SORCS2: variants seen among roughly 807,000 people sequenced by gnomAD.
SORCS2 encodes sortilin related VPS10 domain containing receptor 2, also known as VPS10 domain-containing receptor SorCS2.
Under a neutral mutation model 141.6 loss-of-function variants are expected in SORCS2, and 100 were observed. That is an observed-to-expected ratio of 0.71 (90% CI 0.60 to 0.83). The LOEUF (loss-of-function observed/expected upper bound fraction) is 0.83. Ranked by LOEUF, SORCS2 falls within the 40% of genes least tolerant of loss-of-function variation. The pLI is 0.00. For missense variants in SORCS2, 1,646 were observed against 1,560.2 expected, an observed-to-expected ratio of 1.05 and a Z score of -0.93; for synonymous variants, 789 against 676.9, an observed-to-expected ratio of 1.17 and a Z score of -2.57.
At chr4:7,602,719 C>T (rs1717805913) in intron 3 of SORCS2, among the ~76,000 whole-genome samples, 1 of 151,886 alleles carries the variant, frequency 6.6e-6, no homozygotes, top group Non-Finnish European at 1.5e-5. Flanking sequence ...AGACGATGGG[C>T]GGCCAGGCAG....
intron 1 of SORCS2, among the ~76,000 whole-genome samples, chr4:7,312,833 G>A (rs1003933896): frequency 6.6e-6 from 1 of 152,196 alleles, no homozygotes; most frequent in African/African-American, 2.4e-5. Context: ...TGCAGGTCAG[G>A]GGCCTTTTCT....
chr4:7,544,164 C>T (rs1713066451), intron 3 of SORCS2, among the ~76,000 whole-genome samples: 1 of 152,118 alleles, frequency 6.6e-6, no homozygotes, highest in South Asian at 2.1e-4. Context: ...ATCCACTCAT[C>T]CATCCACTCA....
At chr4:7,310,409 C>T (rs763407392) in intron 1 of SORCS2, 1 of 154,294 alleles carries the variant, frequency 6.5e-6, no homozygotes, top group Non-Finnish European at 1.5e-5. Context: ...CATTGACCGG[C>T]TTTAAAAATG....
chr4:7,503,278 G>T (rs1293911081), intron 2 of SORCS2, among the ~76,000 whole-genome samples: 1 of 152,172 alleles, frequency 6.6e-6, no homozygotes, highest in East Asian at 1.9e-4. Context: ...TGGAGTTCCT[G>T]GCCTAGTTAA....
At chr4:7,689,338 T>C in intron 10 of SORCS2, 148 bp from the exon 11 acceptor site, 2 of 676,988 alleles carry the variant, frequency 3.0e-6, no homozygotes, top group East Asian at 2.8e-5. Flanking sequence ...TCACACCTGC[T>C]TCCCATCCTC....
chr4:7,221,649 A>G (rs1255043653), intron 1 of SORCS2, among the ~76,000 whole-genome samples: 1 of 152,220 alleles, frequency 6.6e-6, no homozygotes, highest in Non-Finnish European at 1.5e-5. Context: ...ACAGCGAAGG[A>G]AAGACAGAAG....
chr4:7,338,427 G>T (rs1720158609), intron 1 of SORCS2, among the ~76,000 whole-genome samples: 1 of 151,730 alleles, frequency 6.6e-6, no homozygotes, highest in Non-Finnish European at 1.5e-5. Context: ...TGGAAGGATG[G>T]ATGGATGGAT....
chr4:7,457,944 G>T (rs1729025397), intron 2 of SORCS2, among the ~76,000 whole-genome samples: 1 of 151,980 alleles, frequency 6.6e-6, no homozygotes, highest in African/African-American at 2.4e-5. Flanking sequence ...GAGGCTGCGG[G>T]GCAGGGACGT....
chr4:7,599,864 C>G (rs1285149915), intron 3 of SORCS2, among the ~76,000 whole-genome samples: 4 of 151,098 alleles, frequency 2.6e-5, no homozygotes, highest in African/African-American at 9.7e-5. Context: ...TGCTGTGTCA[C>G]CCAGGCTAGA....
intron 2 of SORCS2, among the ~76,000 whole-genome samples, chr4:7,470,174 A>G (rs1729880860): frequency 6.6e-6 from 1 of 151,548 alleles, no homozygotes; most frequent in African/African-American, 2.4e-5. Flanking sequence ...TCATCCATCC[A>G]TCCTCCCATC....
intron 1 of SORCS2, among the ~76,000 whole-genome samples, chr4:7,382,249 G>T (rs1236801299): frequency 6.6e-6 from 1 of 152,206 alleles, no homozygotes; most frequent in Non-Finnish European, 1.5e-5. Flanking sequence ...TGACCACAGG[G>T]ATGGGGTTTG....
chr4:7,609,896 C>G (rs1577835833), intron 3 of SORCS2, among the ~76,000 whole-genome samples: 2 of 152,262 alleles, frequency 1.3e-5, no homozygotes, highest in South Asian at 2.1e-4. Context: ...CTGCCCTGCA[C>G]TTTGCATTTT....
chr4:7,669,762 G>A (rs1051642837), intron 8 of SORCS2, among the ~76,000 whole-genome samples: 3 of 152,202 alleles, frequency 2.0e-5, no homozygotes, highest in Non-Finnish European at 4.4e-5. Context: ...TTGGTCTCCC[G>A]GCATTCCTCA....
At chr4:7,684,327 CAG>C (rs1337629076) in intron 10 of SORCS2, among the ~76,000 whole-genome samples, 2 of 152,216 alleles carry the variant, frequency 1.3e-5, no homozygotes, top group Non-Finnish European at 2.9e-5. Flanking sequence ...TGAAAGAATG[CAG>C]AGACTGGCCT....
intron 2 of SORCS2, among the ~76,000 whole-genome samples, chr4:7,531,022 G>C (rs1027029892): frequency 6.6e-6 from 1 of 152,162 alleles, no homozygotes; most frequent in Non-Finnish European, 1.5e-5. Flanking sequence ...GGGCTCCCTG[G>C]AGGAGCTCAG....
rs181959859 is a variant in SORCS2, at chr4:7,491,860, G to T, written c.549-39670G>T. On this transcript the variant is annotated intron_variant, in intron 2 of 26. Coordinates refer to ENST00000507866, the MANE Select transcript of SORCS2 (RefSeq NM_020777.3). ...TAGAACTGGCCCAGATGCCACAGTGGCTGTCCAGGGCTGTGCTCCCAGCTG... is the reference window on the plus strand; with the variant it reads ...TAGAACTGGCCCAGATGCCACAGTGTCTGTCCAGGGCTGTGCTCCCAGCTG... Among the ~76,000 whole-genome samples the T allele has an allele frequency of 2.0e-5, 3 of 152,300 alleles. No homozygotes were observed. The East Asian group carries it at 5.8e-4, about 29-fold the overall frequency.
rs1720424188 is a variant in SORCS2, at chr4:7,638,571, G to C, written c.813+79G>C. The C allele has an allele frequency of 7.0e-6, 10 of 1,436,332 alleles. No homozygotes were observed. The South Asian group carries it at 1.3e-4, about 19-fold the overall frequency. The allele number at this position is 1,436,332 out of a possible 1,614,324, so 89.0% of individuals were successfully genotyped here. A position where few individuals can be genotyped will look rare whatever the true frequency, so the allele number is the denominator to read the frequency against. ...CCACCTGGAGGTGAGTGCCCACTTG[G>C]AGCAAGTGGGACCCGGAACCCCTGG... is the stretch of plus-strand genomic sequence containing the variant. On this transcript the variant is annotated intron_variant, in intron 4 of 26. Transcript: ENST00000507866.
At chr4:7,418,705 C>A (rs200373557) in intron 2 of SORCS2, among the ~76,000 whole-genome samples, 12,378 of 103,178 alleles carry the variant, frequency 0.12, 672 homozygotes, top group African/African-American at 0.17. Flanking sequence ...ACAAATGACC[C>A]CCCCCCCCAC....
At chr4:7,416,691 T>A (rs946324510) in intron 2 of SORCS2, among the ~76,000 whole-genome samples, 1 of 150,582 alleles carries the variant, frequency 6.6e-6, no homozygotes, top group African/African-American at 2.4e-5. Context: ...CAGACACGCA[T>A]GCATGCACTC....
Sources: gnomAD v4.1 joint callset for allele counts (sites outside exome capture counted in the v4.1 genomes callset) on GRCh38, gnomAD v4.1.1 for gene constraint, MANE v1.5 for transcripts, NCBI Gene and HGNC (gene_info 2026-07-23, HGNC 2026-07-21) for gene names.